Variants in MB21D2 observed in about 807,000 individuals in gnomAD.
The protein encoded by MB21D2 is Mab-21 domain containing 2, also known as nucleotidyltransferase MB21D2.
MB21D2 carries 9 observed loss-of-function variants against 33.3 expected under a neutral mutation model. That is an observed-to-expected ratio of 0.27 (90% confidence interval 0.16 to 0.47). The LOEUF is 0.47. Ranked by LOEUF, MB21D2 falls within the 20% of genes least tolerant of loss-of-function variation. The probability of loss-of-function intolerance (pLI) is 0.99; values close to 1 mark genes in which losing one functional copy is unlikely to be tolerated. For synonymous variants in MB21D2, 241 were observed against 236.3 expected, an observed-to-expected ratio of 1.02 and a Z score of -0.18; for missense variants, 540 against 624.6, an observed-to-expected ratio of 0.86 and a Z score of 1.44.
chr3:192,828,841 G>C (rs1712250275), intron 1 of MB21D2, among the ~76,000 whole-genome samples: 1 of 150,752 alleles, frequency 6.6e-6, no homozygotes, highest in Non-Finnish European at 1.5e-5. Context: ...TGTAGAGACG[G>C]GGTTTCACCG....
Position 192,798,623 on chromosome 3 carries a change from G to A in MB21D2, c.1239C>T (p.Thr413=), listed in dbSNP as rs138837641. The A allele has an allele frequency of 2.1e-5, 34 of 1,613,900 alleles. No homozygotes were observed. Among genetic ancestry groups the A allele is most frequent in the South Asian group, 1.1e-4 (10 of 91,080 alleles). ...TGGCTGCCTTGACATGCTCAATGGC[G>A]GTGCGCAAGTGCTCTGCCGGGTCTG... ...VRSDPAEHLR[T]AIEHVKAANR... Residue 413 remains threonine, a synonymous_variant, in exon 2 of 2, where the codon ACC becomes ACT. Transcript: ENST00000392452. The surrounding 1 kb of genome is among the most constrained non-coding windows in gnomAD (Gnocchi z 4.8).
intron 1 of MB21D2, among the ~76,000 whole-genome samples, chr3:192,828,401 T>G (rs1266191403): frequency 1.3e-5 from 2 of 150,988 alleles, no homozygotes; most frequent in African/African-American, 4.9e-5. Context: ...AGGCCAAGGA[T>G]CCAGCACACC....
chr3:192,902,299 T>G (rs775252957), intron 1 of MB21D2, among the ~76,000 whole-genome samples: 1 of 152,162 alleles, frequency 6.6e-6, no homozygotes, highest in South Asian at 2.1e-4. Flanking sequence ...AGCAACCACA[T>G]AGAGCCCGGC....
chr3:192,897,974 T>G (rs1464525558), intron 1 of MB21D2, among the ~76,000 whole-genome samples: 1 of 151,600 alleles, frequency 6.6e-6, no homozygotes, highest in Non-Finnish European at 1.5e-5. Context: ...AAAAAAAAAT[T>G]TTAAAAATAA....
intron 1 of MB21D2, among the ~76,000 whole-genome samples, chr3:192,881,879 G>A (rs1713604505): frequency 6.6e-6 from 1 of 152,148 alleles, no homozygotes; most frequent in Middle Eastern, 3.2e-3. Context: ...AACTCTGGTT[G>A]TCATTCTCTG....
intron 1 of MB21D2, among the ~76,000 whole-genome samples, chr3:192,876,593 G>A (rs1184753116): frequency 1.3e-5 from 2 of 152,162 alleles, no homozygotes; most frequent in Non-Finnish European, 2.9e-5. Context: ...TGCAATAGAT[G>A]TTGCCCTTAG....
At chr3:192,809,586 T>C (rs1164690887) in intron 1 of MB21D2, among the ~76,000 whole-genome samples, 1 of 152,118 alleles carries the variant, frequency 6.6e-6, no homozygotes, top group Non-Finnish European at 1.5e-5. Flanking sequence ...ATAAACTGTA[T>C]AGGAAACAGT....
In MB21D2 at chr3:192,917,849, C is replaced by T. The variant is rs774407953; in HGVS notation, c.-9G>A. On this transcript the variant is annotated 5_prime_UTR_variant, in exon 1 of 2. Coordinates refer to ENST00000392452, the MANE Select transcript of MB21D2 (RefSeq NM_178496.4). ...GGAGCCGCCATCTTCATGCAAAACG[C>T]GCCGAGTAGCAGCTCCGCGGCAGCG... 4.4e-6 allele frequency: 7 copies of T among 1,605,462 alleles called. No individual in the cohort carries two copies. Among genetic ancestry groups the T allele is most frequent in the Non-Finnish European group, 6.0e-6 (7 of 1,175,864 alleles).
At chr3:192,840,617 G>A (rs1288611436) in intron 1 of MB21D2, among the ~76,000 whole-genome samples, 3 of 152,012 alleles carry the variant, frequency 2.0e-5, no homozygotes, top group East Asian at 1.9e-4. Flanking sequence ...AAAGTTTCTC[G>A]TGGTGGGAGG....
At chr3:192,884,544 T>G (rs1441787208) in intron 1 of MB21D2, among the ~76,000 whole-genome samples, 1 of 32,016 alleles carries the variant, frequency 3.1e-5, no homozygotes, top group East Asian at 2.1e-3. Flanking sequence ...TTTTTTGTAT[T>G]TTTTAGTAGA....
chr3:192,814,304 GA>G (rs142838816), intron 1 of MB21D2, among the ~76,000 whole-genome samples: 10 of 148,832 alleles, frequency 6.7e-5, no homozygotes, highest in African/African-American at 9.8e-5. Flanking sequence ...CAACAGACAT[GA>G]AAAAAAAAAT....
chr3:192,811,899 C>A (rs1416028694), intron 1 of MB21D2, among the ~76,000 whole-genome samples: 3 of 152,162 alleles, frequency 2.0e-5, no homozygotes, highest in Non-Finnish European at 2.9e-5. Flanking sequence ...AAGACCAAAA[C>A]AAAGTTTCTC....
chr3:192,846,399 T>C (rs1712681027), intron 1 of MB21D2, among the ~76,000 whole-genome samples: 1 of 152,210 alleles, frequency 6.6e-6, no homozygotes, highest in Non-Finnish European at 1.5e-5. Flanking sequence ...AACAAAGTTT[T>C]GGTATTTTGT....
chr3:192,835,455 C>CA (rs34280688), intron 1 of MB21D2, among the ~76,000 whole-genome samples: 1,664 of 60,988 alleles, frequency 0.027, 112 homozygotes, highest in South Asian at 0.039. Context: ...GACTCTGTCT[C>CA]AAAAAAAAAA....
intron 1 of MB21D2, among the ~76,000 whole-genome samples, chr3:192,828,595 TATATATATATA>T (rs1712234546): frequency 6.1e-4 from 1 of 1,636 alleles, no homozygotes; most frequent in Non-Finnish European, 1.8e-3. Flanking sequence ...CCCCCCCATA[TATATATATATA>T]TATATATATA....
At chr3:192,832,381 C>G (rs186153178) in intron 1 of MB21D2, among the ~76,000 whole-genome samples, 1 of 152,212 alleles carries the variant, frequency 6.6e-6, no homozygotes, top group East Asian at 1.9e-4. Flanking sequence ...AAGGCCAATG[C>G]AAAAAACTTG....
intron 1 of MB21D2, among the ~76,000 whole-genome samples, chr3:192,813,937 C>A (rs1049146416): frequency 1.3e-5 from 2 of 152,174 alleles, no homozygotes; most frequent in African/African-American, 4.8e-5. Flanking sequence ...AAACACACAT[C>A]TTTGATGAAA....
chr3:192,896,519 T>C (rs4455277), intron 1 of MB21D2, among the ~76,000 whole-genome samples: 78,187 of 151,886 alleles, frequency 0.51, 20,262 homozygotes, highest in South Asian at 0.53. Flanking sequence ...CACCCAACTT[T>C]CCTTCATATT....
intron 1 of MB21D2, among the ~76,000 whole-genome samples, chr3:192,862,830 T>C (rs1417293569): frequency 2.6e-5 from 4 of 152,226 alleles, no homozygotes; most frequent in African/African-American, 9.6e-5. Context: ...TTGTTCATAG[T>C]TCTTGAGGCT....
Sources: allele counts gnomAD v4.1 joint callset (sites outside exome capture counted in the v4.1 genomes callset), GRCh38; gene constraint gnomAD v4.1.1; non-coding constraint Gnocchi (gnomAD v3.1); transcripts MANE v1.5; gene names NCBI Gene and HGNC (gene_info 2026-07-23, HGNC 2026-07-21).